Variants in CEP112 observed in about 807,000 individuals in gnomAD.
The protein encoded by CEP112 is centrosomal protein of 112 kDa.
Under a neutral mutation model 153.0 loss-of-function variants are expected in CEP112, and 127 were observed. The ratio of observed to expected loss-of-function variants is 0.83; its 90% CI spans 0.72 to 0.96. The LOEUF (loss-of-function observed/expected upper bound fraction) is 0.96. Among genes scored for constraint, CEP112 ranks in the 40% least tolerant of loss-of-function variants. The pLI is 0.00. For missense variants in CEP112, 1,089 were observed against 1,101.2 expected, an observed-to-expected ratio of 0.99 and a Z score of 0.16; for synonymous variants, 358 against 374.4, an observed-to-expected ratio of 0.96 and a Z score of 0.51.
chr17:65,926,405 T>A (rs1282092848), intron 19 of CEP112, among the ~76,000 whole-genome samples: 1 of 152,164 alleles, frequency 6.6e-6, no homozygotes, highest in Non-Finnish European at 1.5e-5. Context: ...AGGTACCATC[T>A]TTTCTTCTTC....
chr17:66,132,728 G>T lies in CEP112; in HGVS notation c.506C>A (p.Ser169Ter). Residue 169 changes from serine (S) to a stop codon, truncating the protein, a stop_gained, in exon 5 of 27, where the codon TCA becomes TAA. Coordinates refer to ENST00000535342, the MANE Select transcript of CEP112 (RefSeq NM_001199165.4). LOFTEE classifies it high-confidence loss of function. ...EQYTGKLRVR[S>*]HSLSPTHRED... Reference sequence around the variant, plus strand: ...TCTGTGAGTTGGACTCAAGGAGTGTGATCTCACTCGGAGCTTCCCAGTGTA... The same window carrying T: ...TCTGTGAGTTGGACTCAAGGAGTGTTATCTCACTCGGAGCTTCCCAGTGTA... 1.2e-6 allele frequency: 2 copies of T among 1,613,932 alleles called. No individual in the cohort carries two copies. Among genetic ancestry groups the T allele is most frequent in the Non-Finnish European group, 1.7e-6 (2 of 1,179,828 alleles).
At chr17:66,059,384 AT>A (rs1334696499) in intron 11 of CEP112, among the ~76,000 whole-genome samples, 1 of 152,198 alleles carries the variant, frequency 6.6e-6, no homozygotes, top group Non-Finnish European at 1.5e-5. Flanking sequence ...GGGAGAAAAT[AT>A]TTGCAAACTA....
Position 65,927,631 on chromosome 17 carries a change from TTTGA to T in CEP112, c.1927_1930del (p.Ser643ArgfsTer18). 1 of 1,602,444 alleles carries T rather than the reference TTTGA, an allele frequency of 6.2e-7. No homozygotes were observed. The highest frequency in any genetic ancestry group is 8.5e-7 in the Non-Finnish European group (1 of 1,176,652). On this transcript the variant is annotated frameshift_variant, in exon 19 of 27. Coordinates refer to ENST00000535342, the MANE Select transcript of CEP112 (RefSeq NM_001199165.4). LOFTEE classifies it high-confidence loss of function. ...GTCCTCCAGTTGCCATAAAAACTCCTTTGATTGTTTCTCACGAAGAGATTTGGAT... is the reference window on the plus strand; with the variant it reads ...GTCCTCCAGTTGCCATAAAAACTCCTTTGTTTCTCACGAAGAGATTTGGAT...
chr17:65,733,723 A>G (rs111874340), intron 23 of CEP112, among the ~76,000 whole-genome samples: 105 of 152,320 alleles, frequency 6.9e-4, no homozygotes, highest in Non-Finnish European at 8.1e-4. Flanking sequence ...AGAACCTTTT[A>G]TGATTTATGA....
At chr17:66,048,876 T>C (rs1731633649) in intron 12 of CEP112, among the ~76,000 whole-genome samples, 1 of 152,184 alleles carries the variant, frequency 6.6e-6, no homozygotes, top group South Asian at 2.1e-4. Flanking sequence ...CCCAAAATAT[T>C]GGGATTACAG....
chr17:66,074,055 A>G (rs2067395268), intron 8 of CEP112, among the ~76,000 whole-genome samples: 1 of 152,178 alleles, frequency 6.6e-6, no homozygotes, highest in Non-Finnish European at 1.5e-5. Flanking sequence ...AAATACCTTC[A>G]AAGAACTAAA....
intron 18 of CEP112, among the ~76,000 whole-genome samples, chr17:65,951,880 C>G (rs959165592): frequency 6.6e-6 from 1 of 152,004 alleles, no homozygotes; most frequent in Non-Finnish European, 1.5e-5. Flanking sequence ...TTTCTCTAAG[C>G]ACTGCTTTTA....
Position 66,069,847 on chromosome 17 carries a change from T to C in CEP112, c.855+68A>G, listed in dbSNP as rs181985020. The C allele has an allele frequency of 8.4e-6, 7 of 835,210 alleles. No homozygotes were observed. In the East Asian group the frequency reaches 1.3e-4, roughly 16 times the overall value. 51.7% of individuals were successfully genotyped at this position (835,210 alleles called of 1,614,324 possible). A position where few individuals can be genotyped will look rare whatever the true frequency, so the allele number is the denominator to read the frequency against. ...TTGGAAGAATGGATGGATAACTGGA[T>C]GGATCATCATAAAACCTAGAATATT... is the stretch of plus-strand genomic sequence containing the variant. On this transcript the variant is annotated intron_variant, in intron 9 of 26. Transcript: ENST00000535342.
chr17:65,899,599 G>A (rs1324939527), intron 20 of CEP112, among the ~76,000 whole-genome samples: 3 of 152,036 alleles, frequency 2.0e-5, no homozygotes, highest in Admixed American at 6.6e-5. Context: ...TTATAATAAT[G>A]ATTTTCTAAT....
At chr17:65,661,477 C>T (rs1162288322) in intron 24 of CEP112, among the ~76,000 whole-genome samples, 3 of 152,152 alleles carry the variant, frequency 2.0e-5, no homozygotes, top group Non-Finnish European at 4.4e-5. Flanking sequence ...CACACAGCTA[C>T]TTGGTACCTG....
chr17:65,980,301 C>T (rs778854606), intron 17 of CEP112, among the ~76,000 whole-genome samples: 24 of 152,168 alleles, frequency 1.6e-4, no homozygotes, highest in Non-Finnish European at 3.5e-4. Flanking sequence ...TTTAAAAGAC[C>T]ATTGTTAAAA....
intron 4 of CEP112, among the ~76,000 whole-genome samples, chr17:66,156,150 G>C (rs2071430186): frequency 6.6e-6 from 1 of 152,138 alleles, no homozygotes; most frequent in African/African-American, 2.4e-5. Flanking sequence ...CTGGCATCTG[G>C]CGGATGCCCC....
chr17:65,724,134 C>G (rs568502476), intron 23 of CEP112, among the ~76,000 whole-genome samples: 1 of 152,138 alleles, frequency 6.6e-6, no homozygotes, highest in South Asian at 2.1e-4. Flanking sequence ...ACCCACCAAC[C>G]ATCCCGGCCT....
chr17:65,915,380 C>G (rs968854596), intron 19 of CEP112, among the ~76,000 whole-genome samples: 1 of 152,130 alleles, frequency 6.6e-6, no homozygotes, highest in Non-Finnish European at 1.5e-5. Flanking sequence ...CTAGTCCCAG[C>G]CCGGTAACCT....
chr17:66,087,343 A>G (rs1389158088), intron 8 of CEP112, among the ~76,000 whole-genome samples: 1 of 152,212 alleles, frequency 6.6e-6, no homozygotes, highest in Non-Finnish European at 1.5e-5. Flanking sequence ...TTAATTATTT[A>G]TGGTAAGCAG....
chr17:65,663,890 CA>C (rs1456021433), intron 24 of CEP112, among the ~76,000 whole-genome samples: 2 of 152,008 alleles, frequency 1.3e-5, no homozygotes, highest in Admixed American at 6.6e-5. Context: ...ACCAAAAATA[CA>C]AAAACTTAGC....
At chr17:66,150,524 C>A (rs552498225) in intron 4 of CEP112, among the ~76,000 whole-genome samples, 1 of 152,352 alleles carries the variant, frequency 6.6e-6, no homozygotes, top group South Asian at 2.1e-4. Context: ...AGCCATCGCA[C>A]CCAGCCACTG....
At chr17:65,651,218 T>C (rs1007615081) in intron 24 of CEP112, among the ~76,000 whole-genome samples, 20 of 152,206 alleles carry the variant, frequency 1.3e-4, no homozygotes, top group Non-Finnish European at 2.5e-4. Flanking sequence ...GTTACTTCAC[T>C]TAGAGTAATA....
At chr17:65,704,456 A>AC in intron 23 of CEP112, among the ~76,000 whole-genome samples, 1 of 129,336 alleles carries the variant, frequency 7.7e-6, no homozygotes, top group South Asian at 2.4e-4. Context: ...CACACACACA[A>AC]ACATTTCTTT....
Sources: gnomAD v4.1 joint callset for allele counts (sites outside exome capture counted in the v4.1 genomes callset) on GRCh38, gnomAD v4.1.1 for gene constraint, MANE v1.5 for transcripts, NCBI Gene and HGNC (gene_info 2026-07-23, HGNC 2026-07-21) for gene names.